Variants in EYS observed in about 807,000 individuals in gnomAD.
The protein encoded by EYS is protein eyes shut homolog.
In EYS, 250 loss-of-function variants were observed where a neutral mutation model predicts 282.1. The ratio of observed to expected loss-of-function variants is 0.89; its 90% CI spans 0.80 to 0.98. The LOEUF (loss-of-function observed/expected upper bound fraction) is 0.98. Among genes scored for constraint, EYS ranks in the 50% least tolerant of loss-of-function variants. The pLI is 0.00. For missense variants in EYS, 4,016 were observed against 3,709.0 expected, an observed-to-expected ratio of 1.08 and a Z score of -2.15; for synonymous variants, 1,355 against 1,282.9, an observed-to-expected ratio of 1.06 and a Z score of -1.20.
intron 31 of EYS, among the ~76,000 whole-genome samples, chr6:64,125,565 C>T (rs933876255): frequency 4.0e-5 from 6 of 151,630 alleles, no homozygotes; most frequent in Non-Finnish European, 7.4e-5. Flanking sequence ...GCGGGCGGAT[C>T]GTGAGGTCAG....
chr6:65,376,838 A>G (rs1425848715), intron 8 of EYS, among the ~76,000 whole-genome samples: 1 of 152,184 alleles, frequency 6.6e-6, no homozygotes, highest in African/African-American at 2.4e-5. Context: ...CTAAATATAT[A>G]TGCACCCAAT....
chr6:64,758,128 CG>C (rs1229340770), intron 22 of EYS, among the ~76,000 whole-genome samples: 1 of 151,970 alleles, frequency 6.6e-6, no homozygotes, highest in Non-Finnish European at 1.5e-5. Flanking sequence ...CTAGTACGCA[CG>C]AGTTATTTGT....
chr6:64,405,207 A>G (rs1327357220), intron 28 of EYS, among the ~76,000 whole-genome samples: 1 of 152,132 alleles, frequency 6.6e-6, no homozygotes, highest in Non-Finnish European at 1.5e-5. Context: ...GTCTAAAGTT[A>G]TTGCTAAAAA....
intron 22 of EYS, among the ~76,000 whole-genome samples, chr6:64,686,838 CGT>C (rs1223764358): frequency 0.049 from 687 of 14,164 alleles, 134 homozygotes; most frequent in African/African-American, 0.09. Context: ...TATATATATA[CGT>C]GTATATATAT....
intron 11 of EYS, among the ~76,000 whole-genome samples, chr6:65,309,939 T>A (rs1769110684): frequency 6.6e-6 from 1 of 152,230 alleles, no homozygotes; most frequent in Non-Finnish European, 1.5e-5. Context: ...CTCCCCTTGA[T>A]CCCTGTTCAA....
At chr6:65,317,086 T>A (rs1429534372) in intron 11 of EYS, among the ~76,000 whole-genome samples, 3 of 152,182 alleles carry the variant, frequency 2.0e-5, no homozygotes, top group Admixed American at 2.0e-4. Context: ...GGCTTAGCAA[T>A]TAGGATATGC....
chr6:65,507,397 T>A (rs1187621087), intron 2 of EYS, among the ~76,000 whole-genome samples: 6 of 152,206 alleles, frequency 3.9e-5, no homozygotes, highest in East Asian at 3.9e-4. Flanking sequence ...CCTAGAGAAA[T>A]TTTTTTGTTT....
At chr6:65,612,979 A>T (rs1048712463) in intron 2 of EYS, among the ~76,000 whole-genome samples, 2 of 151,796 alleles carry the variant, frequency 1.3e-5, no homozygotes, top group Non-Finnish European at 3.0e-5. Flanking sequence ...TGTAAACAAG[A>T]TAAATATATA....
At chr6:64,543,320 G>A (rs1305219601) in intron 26 of EYS, among the ~76,000 whole-genome samples, 1 of 152,046 alleles carries the variant, frequency 6.6e-6, no homozygotes, top group Admixed American at 6.6e-5. Flanking sequence ...TTAAAAAACA[G>A]TATTAAAATG....
intron 31 of EYS, among the ~76,000 whole-genome samples, chr6:64,149,691 A>G (rs887535466): frequency 3.3e-5 from 5 of 152,196 alleles, no homozygotes; most frequent in Non-Finnish European, 5.9e-5. Context: ...TAGAGAGGTT[A>G]AGTAACTCGT....
At chr6:65,108,010 T>A (rs1051434639) in intron 12 of EYS, among the ~76,000 whole-genome samples, 3 of 152,108 alleles carry the variant, frequency 2.0e-5, no homozygotes, top group African/African-American at 7.2e-5. Flanking sequence ...TTTTATACAA[T>A]CATGTTTTTA....
intron 22 of EYS, among the ~76,000 whole-genome samples, chr6:64,662,134 C>T (rs954715861): frequency 6.8e-6 from 1 of 147,392 alleles, no homozygotes; most frequent in African/African-American, 2.5e-5. Context: ...ATCACAAGGA[C>T]AAAAAACCAA....
intron 31 of EYS, among the ~76,000 whole-genome samples, chr6:64,229,243 C>A (rs1371931956): frequency 6.6e-6 from 1 of 152,094 alleles, no homozygotes; most frequent in Admixed American, 6.6e-5. Flanking sequence ...CCATTGCACT[C>A]CAGCCTGGGC....
chr6:64,739,643 T>C (rs1772300575), intron 22 of EYS, among the ~76,000 whole-genome samples: 1 of 152,144 alleles, frequency 6.6e-6, no homozygotes, highest in South Asian at 2.1e-4. Flanking sequence ...AACCATTACT[T>C]TTCTATACAA....
chr6:63,753,658 C>T (rs1347876221), intron 41 of EYS, among the ~76,000 whole-genome samples: 1 of 152,074 alleles, frequency 6.6e-6, no homozygotes, highest in Non-Finnish European at 1.5e-5. Context: ...TGATCCAATC[C>T]CCTCCCTCCC....
At chr6:65,563,412 T>C (rs1769140450) in intron 2 of EYS, among the ~76,000 whole-genome samples, 1 of 152,132 alleles carries the variant, frequency 6.6e-6, no homozygotes, top group South Asian at 2.1e-4. Context: ...TGTTATATTT[T>C]TTATTTTTGT....
chr6:65,207,742 TC>T (rs1766071821), intron 12 of EYS, among the ~76,000 whole-genome samples: 1 of 151,842 alleles, frequency 6.6e-6, no homozygotes, highest in Non-Finnish European at 1.5e-5. Flanking sequence ...AGCAAACTGA[TC>T]TTTGACAAAG....
At chr6:63,985,311 T>G (rs1200028992) in intron 34 of EYS, among the ~76,000 whole-genome samples, 1 of 151,558 alleles carries the variant, frequency 6.6e-6, no homozygotes. Context: ...TTACCAAAAA[T>G]GAGTTAAGAG....
intron 41 of EYS, among the ~76,000 whole-genome samples, chr6:63,730,796 C>CG (rs1768762788): frequency 6.6e-6 from 1 of 151,942 alleles, no homozygotes; most frequent in Non-Finnish European, 1.5e-5. Context: ...GCAAGGTGGG[C>CG]GGATCACGAG....
Sources: allele counts gnomAD v4.1 joint callset (sites outside exome capture counted in the v4.1 genomes callset), GRCh38; gene constraint gnomAD v4.1.1; transcripts MANE v1.5; gene names NCBI Gene and HGNC (gene_info 2026-07-23, HGNC 2026-07-21).